The following ARPP21 variants were observed in gnomAD, a reference collection of about 807,000 sequenced individuals.
ARPP21 encodes cAMP-regulated phosphoprotein 21.
In ARPP21, 69 loss-of-function variants were observed where a neutral mutation model predicts 113.2. That is an observed-to-expected ratio of 0.61 (90% CI 0.50 to 0.74). ARPP21 has a LOEUF of 0.74. ARPP21 is among the 30% of genes least tolerant of loss of function. The pLI, the probability that ARPP21 is intolerant of heterozygous loss-of-function variation, is 0.00. For missense variants in ARPP21, 1,070 were observed against 1,037.4 expected, an observed-to-expected ratio of 1.03 and a Z score of -0.43; for synonymous variants, 368 against 375.5, an observed-to-expected ratio of 0.98 and a Z score of 0.23.
intron 9 of ARPP21, 76 bp from the exon 10 acceptor site, chr3:35,706,898 G>A (rs2089313821): frequency 9.1e-7 from 1 of 1,092,962 alleles, no homozygotes; most frequent in East Asian, 2.4e-5. Flanking sequence ...ACACTGTGGG[G>A]GAAGAACAAC....
At chr3:35,756,063 A>G (rs1309740655) in intron 19 of ARPP21, among the ~76,000 whole-genome samples, 1 of 152,104 alleles carries the variant, frequency 6.6e-6, no homozygotes, top group Non-Finnish European at 1.5e-5. Context: ...ACCAATCAGC[A>G]TGGGCTCATT....
At chr3:35,738,930 T>C (rs983727272) in intron 17 of ARPP21, among the ~76,000 whole-genome samples, 6 of 152,204 alleles carry the variant, frequency 3.9e-5, no homozygotes, top group African/African-American at 9.6e-5. Flanking sequence ...TTCTGCCTTA[T>C]GGGTGTTCTC....
At position 35,729,318 on chromosome 3, in the gene ARPP21, G is replaced by T; in HGVS notation, c.1241G>T (p.Ser414Ile). Residue 414 changes from serine to isoleucine, a missense_variant, in exon 15 of 21, where the codon AGC becomes ATC. Physicochemically the swap from Ser to Ile is moderately radical, Grantham distance 142 (BLOSUM62 -2). Coordinates refer to ENST00000684406, the MANE Select transcript of ARPP21 (RefSeq NM_001385562.1). ...KLSKAGSESS[S>I]SAGSSGSLSR... Reference sequence around the variant, plus strand: ...CCTATGCCAGGTTCCGAGTCTTCCAGCAGTGCAGGCTCCTCAGGATCGCTG... The same window carrying T: ...CCTATGCCAGGTTCCGAGTCTTCCATCAGTGCAGGCTCCTCAGGATCGCTG... The T allele has an allele frequency of 6.2e-7, 1 of 1,613,898 alleles. No individual in the cohort carries two copies. The highest frequency in any genetic ancestry group is 2.2e-5 in the East Asian group (1 of 44,856).
intron 9 of ARPP21, among the ~76,000 whole-genome samples, chr3:35,702,743 T>C (rs2149883968): frequency 6.6e-6 from 1 of 151,942 alleles, no homozygotes; most frequent in South Asian, 2.1e-4. Context: ...TAAGGTATAG[T>C]CTCATTTAAA....
chr3:35,715,665 T>A (rs541651619), intron 12 of ARPP21, 189 bp downstream of exon 12: 42 of 415,992 alleles, frequency 1.0e-4, no homozygotes, highest in East Asian at 5.6e-4. Flanking sequence ...GGAAAAAAAA[T>A]TTTCTTTCAG....
intron 15 of ARPP21, among the ~76,000 whole-genome samples, chr3:35,729,788 G>C (rs1320531198): frequency 1.3e-5 from 2 of 152,088 alleles, no homozygotes; most frequent in African/African-American, 4.8e-5. Context: ...CCACTTTTCT[G>C]TCTTTTTTCT....
intron 19 of ARPP21, among the ~76,000 whole-genome samples, chr3:35,783,462 A>G: frequency 6.6e-6 from 1 of 151,766 alleles, no homozygotes; most frequent in East Asian, 1.9e-4. Flanking sequence ...CCGCTCATAG[A>G]TGCCAGTTTC....
chr3:35,656,240 C>T lies in ARPP21; in HGVS notation c.-213+15842C>T, dbSNP rs187231263. Among the ~76,000 whole-genome samples the T allele has an allele frequency of 2.0e-5, 3 of 151,960 alleles. No individual in the cohort carries two copies. In the East Asian group the frequency reaches 5.9e-4, roughly 30 times the overall value. On this transcript the variant is annotated intron_variant, in intron 1 of 20. Coordinates refer to ENST00000684406, the MANE Select transcript of ARPP21 (RefSeq NM_001385562.1). ...ACTAAGAGTTTCCAGTGTAGGATTACAAAATCCACTGAGATATAATAATAA... is the reference window on the plus strand; with the variant it reads ...ACTAAGAGTTTCCAGTGTAGGATTATAAAATCCACTGAGATATAATAATAA...
intron 1 of ARPP21, among the ~76,000 whole-genome samples, chr3:35,649,104 G>C (rs528115227): frequency 6.6e-6 from 1 of 152,266 alleles, no homozygotes; most frequent in African/African-American, 2.4e-5. Flanking sequence ...TATAGTGCTT[G>C]CATGTGGCAG....
At chr3:35,693,648 T>C (rs2082920881) in intron 9 of ARPP21, among the ~76,000 whole-genome samples, 1 of 151,752 alleles carries the variant, frequency 6.6e-6, no homozygotes, top group African/African-American at 2.4e-5. Context: ...TGGGGCATTA[T>C]ATTCAAAACA....
At chr3:35,788,392 C>A (rs2096675130) in intron 19 of ARPP21, among the ~76,000 whole-genome samples, 1 of 152,182 alleles carries the variant, frequency 6.6e-6, no homozygotes, top group Admixed American at 6.5e-5. Context: ...AGCTTGCTAA[C>A]TCTAATCATT....
intron 1 of ARPP21, among the ~76,000 whole-genome samples, chr3:35,645,922 A>G (rs1308599835): frequency 6.6e-6 from 1 of 152,028 alleles, no homozygotes; most frequent in Non-Finnish European, 1.5e-5. Flanking sequence ...ATTGAGAAAC[A>G]ACAAGTGAGG....
intron 1 of ARPP21, 73 bp downstream of exon 1, chr3:35,640,471 G>T (rs1159460584): frequency 6.6e-6 from 1 of 152,102 alleles, no homozygotes; most frequent in Non-Finnish European, 1.5e-5. Context: ...CTTTCTTTCT[G>T]CCATATATCT....
chr3:35,649,379 C>T (rs1701507834), intron 1 of ARPP21, among the ~76,000 whole-genome samples: 1 of 152,088 alleles, frequency 6.6e-6, no homozygotes, highest in Non-Finnish European at 1.5e-5. Flanking sequence ...TAACAAGGCT[C>T]CTAAAAGTTC....
At chr3:35,675,054 T>C (rs1362850582) in intron 1 of ARPP21, among the ~76,000 whole-genome samples, 1 of 151,590 alleles carries the variant, frequency 6.6e-6, no homozygotes, top group East Asian at 2.0e-4. Context: ...TGTAGATAAG[T>C]CTGGTTCTAG....
At chr3:35,715,790 A>T (rs1388862717) in intron 12 of ARPP21, 1 of 194,450 alleles carries the variant, frequency 5.1e-6, no homozygotes, top group Middle Eastern at 2.3e-3. Flanking sequence ...AAATATGGAG[A>T]CATCACAGGA....
At chr3:35,681,665 T>C (rs1559593986) in intron 2 of ARPP21, 49 bp from the exon 3 acceptor site, 7 of 907,246 alleles carry the variant, frequency 7.7e-6, no homozygotes, top group Non-Finnish European at 1.2e-5. Context: ...TAAAGAATGA[T>C]AGTAAATACC....
rs554868309 is a variant in ARPP21 at position 35,683,695 on chromosome 3, C to T, written c.172-31C>T. ...CTTCCTGTTTGTTTTCTTTATTTTC[C>T]TTTCCTTCCCTTTTCTTTCCCCCCT... On this transcript the variant is annotated intron_variant, in intron 4 of 20. Coordinates refer to ENST00000684406, the MANE Select transcript of ARPP21 (RefSeq NM_001385562.1). The T allele has an allele frequency of 6.6e-5, 56 of 845,288 alleles. No individual in the cohort carries two copies. The South Asian group carries it at 7.6e-4, about 12-fold the overall frequency. 52.4% of individuals were successfully genotyped at this position (845,288 alleles called of 1,614,324 possible).
In ARPP21 at chr3:35,737,182, G is replaced by T; in HGVS notation, c.1464G>T (p.Gln488His). 1 of 1,603,446 alleles carries T rather than the reference G, an allele frequency of 6.2e-7. No homozygotes were observed. Among genetic ancestry groups the T allele is most frequent in the Non-Finnish European group, 8.5e-7 (1 of 1,172,254 alleles). The change falls in exon 16 of 21, where the codon CAG (glutamine) becomes CAT (histidine). Residue 488 changes from glutamine (Q) to histidine (H), a missense_variant. Physicochemically the swap from Gln to His is conservative, Grantham distance 24. Transcript: ENST00000684406. ...TAAGTTCTGATTCCATTGCAGGCCA[G>T]CCCTTTGTGAATCCCGATGGAACTC... ...GSILLNPHTG[Q>H]PFVNPDGTPA...
Sources: gnomAD v4.1 joint callset for allele counts (sites outside exome capture counted in the v4.1 genomes callset) on GRCh38, gnomAD v4.1.1 for gene constraint, MANE v1.5 for transcripts, NCBI Gene and HGNC (gene_info 2026-07-23, HGNC 2026-07-21) for gene names.